INPP5A: variants seen among roughly 807,000 people sequenced by gnomAD.
INPP5A encodes inositol polyphosphate-5-phosphatase A.
In INPP5A, 14 loss-of-function variants were observed where a neutral mutation model predicts 65.2. The ratio of observed to expected loss-of-function variants is 0.21; its 90% confidence interval spans 0.14 to 0.34. INPP5A has a LOEUF of 0.34. Among genes scored for constraint, INPP5A ranks in the 10% least tolerant of loss-of-function variants. INPP5A has a pLI of 1.00. For missense variants in INPP5A, 431 were observed against 545.6 expected (o/e 0.79, Z 2.09); for synonymous variants, 207 against 208.3 (o/e 0.99, Z 0.05).
intron 2 of INPP5A, among the ~76,000 whole-genome samples, chr10:132,614,237 G>A (rs1033511538): frequency 6.6e-6 from 1 of 152,170 alleles, no homozygotes; most frequent in Non-Finnish European, 1.5e-5. Context: ...AGGCCGAAGC[G>A]GGTGGATCAC....
At chr10:132,590,731 G>A (rs2071610324) in intron 1 of INPP5A, among the ~76,000 whole-genome samples, 1 of 152,172 alleles carries the variant, frequency 6.6e-6, no homozygotes, top group Non-Finnish European at 1.5e-5. Context: ...TGGAGGTCGT[G>A]AGTGTTTGAG....
intron 9 of INPP5A, among the ~76,000 whole-genome samples, chr10:132,737,162 C>T (rs1272745450): frequency 6.6e-6 from 1 of 152,220 alleles, no homozygotes; most frequent in Non-Finnish European, 1.5e-5. Flanking sequence ...CTCCAAAGCC[C>T]TGCACCATTC....
In INPP5A at chr10:132,616,519, G is replaced by T. The variant is rs2072035922; in HGVS notation, c.117+8563G>T. Among the ~76,000 whole-genome samples the T allele has an allele frequency of 6.6e-6, 1 of 152,120 alleles. No homozygotes were observed. The highest frequency in any genetic ancestry group is 6.5e-5 in the Admixed American group (1 of 15,284). On this transcript the variant is annotated intron_variant, in intron 2 of 15. Coordinates refer to ENST00000368594, the MANE Select transcript of INPP5A (RefSeq NM_005539.5). The surrounding 1 kb of genome is among the most constrained non-coding windows in gnomAD (Gnocchi z 4.9). ...GGATGTGGTGTGTGTGGGATGCTGT[G>T]GTCACATGGGACATGGTGTATGGGA...
chr10:132,709,273 AG>A (rs1564975469), intron 7 of INPP5A, among the ~76,000 whole-genome samples: 1 of 54,914 alleles, frequency 1.8e-5, no homozygotes, highest in African/African-American at 7.5e-5. Context: ...GGAGGGAGGG[AG>A]GGGGGAGGAG....
intron 2 of INPP5A, among the ~76,000 whole-genome samples, chr10:132,632,520 C>G (rs906430912): frequency 6.6e-6 from 1 of 152,168 alleles, no homozygotes; most frequent in Non-Finnish European, 1.5e-5. Context: ...AGGCAGGAAC[C>G]AGGCCCCAGA....
chr10:132,654,635 A>G (rs1249784902), intron 4 of INPP5A, among the ~76,000 whole-genome samples: 1 of 152,228 alleles, frequency 6.6e-6, no homozygotes, highest in Non-Finnish European at 1.5e-5. Context: ...GAGGGAGGAA[A>G]ATTTAATTTT....
rs766699668 is a variant in INPP5A at position 132,762,396 on chromosome 10, C to T, written c.904-3377C>T. 4.0e-4 allele frequency among the ~76,000 whole-genome samples: 61 copies of T among 152,136 alleles called. 1 individual carries two copies. The highest frequency in any genetic ancestry group is 3.3e-3 in the Admixed American group (50 of 15,272). On this transcript the variant is annotated intron_variant, in intron 11 of 15. Coordinates refer to ENST00000368594, the MANE Select transcript of INPP5A (RefSeq NM_005539.5). This position sits in a 1 kb window ranked among gnomAD's most constrained non-coding sequence, Gnocchi z 4.6. Reference sequence around the variant, plus strand: ...TATTACATAAGAATGCAAGTGGCGGCGGGTTTCCAGAACAACCACAAAAAT... The same window carrying T: ...TATTACATAAGAATGCAAGTGGCGGTGGGTTTCCAGAACAACCACAAAAAT...
At chr10:132,629,808 G>A (rs2072240831) in intron 2 of INPP5A, among the ~76,000 whole-genome samples, 1 of 151,802 alleles carries the variant, frequency 6.6e-6, no homozygotes, top group Non-Finnish European at 1.5e-5. Context: ...GGGTCCATGA[G>A]TGGAGGGTAT....
chr10:132,692,468 C>T (rs946102125), intron 5 of INPP5A, among the ~76,000 whole-genome samples: 2 of 152,096 alleles, frequency 1.3e-5, no homozygotes, highest in Admixed American at 6.5e-5. Flanking sequence ...AGGATAAATG[C>T]CAGAAAGTCA....
chr10:132,682,827 C>G (rs751990574), intron 4 of INPP5A, among the ~76,000 whole-genome samples: 1 of 151,166 alleles, frequency 6.6e-6, no homozygotes, highest in Non-Finnish European at 1.5e-5. Context: ...GTGGAGGACA[C>G]ATGTCTGCCG....
At chr10:132,746,097 C>T (rs1022819463) in intron 9 of INPP5A, among the ~76,000 whole-genome samples, 4 of 152,198 alleles carry the variant, frequency 2.6e-5, no homozygotes, top group African/African-American at 9.6e-5. Flanking sequence ...CCTGAGTGGG[C>T]CCCCGAGGCT....
intron 1 of INPP5A, among the ~76,000 whole-genome samples, chr10:132,554,049 A>G (rs551069220): frequency 2.8e-5 from 4 of 140,814 alleles, no homozygotes; most frequent in African/African-American, 1.1e-4. Context: ...TGGCATATTG[A>G]GTAGGACAGG....
chr10:132,559,148 G>T (rs374729582), intron 1 of INPP5A, among the ~76,000 whole-genome samples: 1 of 152,202 alleles, frequency 6.6e-6, no homozygotes, highest in East Asian at 1.9e-4. Flanking sequence ...AGACGTGGTG[G>T]TGTGCTCGCC....
At chr10:132,563,732 A>G (rs1032195988) in intron 1 of INPP5A, among the ~76,000 whole-genome samples, 3 of 152,226 alleles carry the variant, frequency 2.0e-5, no homozygotes, top group African/African-American at 4.8e-5. Context: ...AAAGCACACC[A>G]TAAGTTCACC....
At chr10:132,758,164 C>CACA (rs1293900660) in intron 11 of INPP5A, among the ~76,000 whole-genome samples, 15 of 94,338 alleles carry the variant, frequency 1.6e-4, no homozygotes, top group East Asian at 3.4e-4. Flanking sequence ...TGGCTGACCC[C>CACA]ACACCCATAG....
chr10:132,604,152 C>G (rs1445015681), intron 1 of INPP5A, among the ~76,000 whole-genome samples: 1 of 148,178 alleles, frequency 6.7e-6, no homozygotes, highest in Admixed American at 6.7e-5. Flanking sequence ...TCAGGGTCCC[C>G]TCTCCATCCT....
intron 2 of INPP5A, among the ~76,000 whole-genome samples, chr10:132,617,109 C>T (rs1358247140): frequency 1.3e-5 from 2 of 152,178 alleles, no homozygotes; most frequent in Non-Finnish European, 2.9e-5. Flanking sequence ...TCTGGTGACT[C>T]CTCAAACACC....
intron 4 of INPP5A, among the ~76,000 whole-genome samples, chr10:132,682,265 C>A (rs1032728669): frequency 1.2e-4 from 18 of 149,566 alleles, no homozygotes; most frequent in Non-Finnish European, 2.6e-4. Flanking sequence ...TGTTGCTGGT[C>A]GGGAACAGTC....
intron 2 of INPP5A, among the ~76,000 whole-genome samples, chr10:132,622,072 T>C (rs888259338): frequency 2.0e-5 from 3 of 152,200 alleles, no homozygotes; most frequent in Admixed American, 2.0e-4. Flanking sequence ...ACATACAAGG[T>C]CAGTATGAAA....
Sources: allele counts gnomAD v4.1 joint callset (sites outside exome capture counted in the v4.1 genomes callset), GRCh38; gene constraint gnomAD v4.1.1; non-coding constraint Gnocchi (gnomAD v3.1); transcripts MANE v1.5; gene names NCBI Gene and HGNC (gene_info 2026-07-23, HGNC 2026-07-21).